The following ZNF638 variants were observed in gnomAD, a reference collection of about 807,000 sequenced individuals.
The protein encoded by ZNF638 is CTCL tumor antigen se33-1.
ZNF638 carries 46 observed loss-of-function variants against 195.6 expected under a neutral mutation model. The ratio of observed to expected loss-of-function variants is 0.24; its 90% confidence interval spans 0.19 to 0.30. The LOEUF is 0.30. Among genes scored for constraint, ZNF638 ranks in the 10% least tolerant of loss-of-function variants. The pLI is 1.00. For synonymous variants in ZNF638, 845 were observed against 772.0 expected (o/e 1.09, Z -1.57); for missense variants, 2,440 against 2,325.3 (o/e 1.05, Z -1.01).
intron 11 of ZNF638, 127 bp downstream of exon 11, chr2:71,396,318 AT>A: frequency 1.4e-6 from 1 of 699,112 alleles, no homozygotes; most frequent in Non-Finnish European, 2.4e-6. Context: ...AATCTTTGAG[AT>A]TTATAATCAT....
Position 71,423,475 on chromosome 2 carries a change from A to G in ZNF638, c.3961A>G (p.Arg1321Gly). The change falls in exon 22 of 28, where the codon AGA (arginine) becomes GGA (glycine). Residue 1321 changes from arginine to glycine, a missense_variant. Around this residue, in one of 5 missense-constraint regions of ZNF638, gnomAD observed 1,883 missense variants for 1,739.1 expected, o/e 1.08. Transcript: ENST00000264447. ...EEKEFNTKET[R>G]MDLQIGTEKA... ...GAAGGAATTTAATACTAAGGAAACCAGAATGGATCTTCAAATAGGAACAGA... is the reference window on the plus strand; with the variant it reads ...GAAGGAATTTAATACTAAGGAAACCGGAATGGATCTTCAAATAGGAACAGA... 1 of 1,613,586 alleles carries G rather than the reference A, an allele frequency of 6.2e-7. No homozygotes were observed. The highest frequency in any genetic ancestry group is 8.5e-7 in the Non-Finnish European group (1 of 1,179,916).
Position 71,368,464 on chromosome 2 carries a change from T to G in ZNF638, c.2078T>G (p.Val693Gly). ...LPEDGCTEED[V>G]RKLFQPFGKV... ...GAGGATGGTTGTACTGAAGAAGATG[T>G]GAGAAAATTATTTCAACCATTTGGG... The change falls in exon 7 of 28, where the codon GTG becomes GGG. Residue 693 changes from valine to glycine, a missense_variant. Val to Gly is a moderately radical substitution (Grantham distance 109). Transcript: ENST00000264447. 1 of 1,613,644 alleles carries G rather than the reference T, an allele frequency of 6.2e-7. No individual in the cohort carries two copies. The highest frequency in any genetic ancestry group is 8.5e-7 in the Non-Finnish European group (1 of 1,179,766).
intron 13 of ZNF638, 83 bp from the exon 14 acceptor site, chr2:71,400,029 A>G (rs2079974743): frequency 8.5e-7 from 1 of 1,172,712 alleles, no homozygotes; most frequent in African/African-American, 1.6e-5. Context: ...GAAATGTCAA[A>G]CTAGCTTAAG....
chr2:71,397,133 C>CACTTTGATGTT (rs2079909039), intron 11 of ZNF638, among the ~76,000 whole-genome samples: 1 of 152,148 alleles, frequency 6.6e-6, no homozygotes, highest in Non-Finnish European at 1.5e-5. Context: ...ATTTTGCCAA[C>CACTTTGATGTT]ACTTTGATGT....
intron 20 of ZNF638, chr2:71,408,485 G>GGT: frequency 2.4e-6 from 1 of 424,200 alleles, no homozygotes; most frequent in South Asian, 3.1e-5. Context: ...TTGACATGTA[G>GGT]GTATCTACAT....
In ZNF638 at chr2:71,348,858, T is replaced by G; in HGVS notation, c.-97T>G. The G allele has an allele frequency of 6.2e-7, 1 of 1,611,862 alleles. No individual in the cohort carries two copies. The highest frequency in any genetic ancestry group is 8.5e-7 in the Non-Finnish European group (1 of 1,179,800). On this transcript the variant is annotated 5_prime_UTR_variant, in exon 2 of 28. The change creates a new upstream start codon in the 5' untranslated region. Coordinates refer to ENST00000264447, the MANE Select transcript of ZNF638 (RefSeq NM_014497.5). The stretch of plus-strand genomic sequence containing the variant: ...CATCTCCTTTGCACTTTGCTCAGAT[T>G]AAGACTCAGTTGGCGCTTCAGCAGC...
At chr2:71,376,522 C>T (rs2079428681) in intron 8 of ZNF638, among the ~76,000 whole-genome samples, 1 of 152,136 alleles carries the variant, frequency 6.6e-6, no homozygotes, top group African/African-American at 2.4e-5. Flanking sequence ...AAAGAACAAA[C>T]TAGGAAGAAG....
At chr2:71,376,999 G>A (rs1198194378) in intron 8 of ZNF638, among the ~76,000 whole-genome samples, 2 of 152,104 alleles carry the variant, frequency 1.3e-5, no homozygotes, top group African/African-American at 4.8e-5. Flanking sequence ...GGAGCCCAGT[G>A]CAGTGGCTCA....
chr2:71,419,958 T>TTCCCCC (rs1558881346), intron 21 of ZNF638, among the ~76,000 whole-genome samples: 3 of 26,570 alleles, frequency 1.1e-4, no homozygotes, highest in Non-Finnish European at 2.3e-4. Context: ...ACTTCTTAAT[T>TTCCCCC]CCCACCCCCC....
chr2:71,350,497 G>C (rs576984335), intron 2 of ZNF638, among the ~76,000 whole-genome samples: 1 of 152,138 alleles, frequency 6.6e-6, no homozygotes, highest in Non-Finnish European at 1.5e-5. Flanking sequence ...TATTTTAGTA[G>C]TGTGTCCATT....
chr2:71,368,710 T>C (rs542952071), intron 7 of ZNF638, among the ~76,000 whole-genome samples, 182 bp downstream of exon 7: 1 of 152,362 alleles, frequency 6.6e-6, no homozygotes, highest in South Asian at 2.1e-4. Context: ...TTAAAATAAG[T>C]GTTTGCCCAC....
chr2:71,426,946 C>T lies in ZNF638; in HGVS notation c.5077C>T (p.Pro1693Ser). ...TGAAATTGGAGAAGTGGAAGAGCTACCTTTGAATGAGTCAGCAGACATAAC... is the reference window on the plus strand; with the variant it reads ...TGAAATTGGAGAAGTGGAAGAGCTATCTTTGAATGAGTCAGCAGACATAAC... The part of the protein sequence containing the change: ...VDEIGEVEEL[P>S]LNESADITFA... The change falls in exon 24 of 28, where the codon CCT becomes TCT. Residue 1693 changes from proline to serine, a missense_variant. By Grantham distance (74) the Pro-to-Ser change is moderately conservative. Transcript: ENST00000264447. 2 of 1,613,734 alleles carry T rather than the reference C, an allele frequency of 1.2e-6. No homozygotes were observed. The highest frequency in any genetic ancestry group is 1.7e-6 in the Non-Finnish European group (2 of 1,179,850).
rs1472898831 is a variant in ZNF638, at chr2:71,363,181, CCAT to C, written c.1410_1412del (p.Ser471del). On this transcript the variant is annotated inframe_deletion, in exon 4 of 28. Coordinates refer to ENST00000264447, the MANE Select transcript of ZNF638 (RefSeq NM_014497.5). Reference sequence around the variant, plus strand: ...TCCTGATTGGAATCCTGAGATCCTCCCATCGAGAAGGTAATTTTTAAAAATAGT... The same window carrying C: ...TCCTGATTGGAATCCTGAGATCCTCCCGAGAAGGTAATTTTTAAAAATAGT... The C allele has an allele frequency of 1.3e-6, 2 of 1,587,324 alleles. No individual in the cohort carries two copies. The highest frequency in any genetic ancestry group is 3.5e-5 in the Admixed American group (2 of 56,548).
intron 4 of ZNF638, 62 bp from the exon 5 acceptor site, chr2:71,363,892 T>G: frequency 1.4e-5 from 21 of 1,529,616 alleles, no homozygotes; most frequent in Non-Finnish European, 1.8e-5. Flanking sequence ...TTCTGTCATT[T>G]ATTATCATTT....
Position 71,423,645 on chromosome 2 carries a change from T to C in ZNF638, c.4131T>C (p.Ser1377=). The part of the protein sequence containing the change: ...VGQANKPDET[S]KTSILAVSDV... ...AGGCTAATAAGCCTGATGAAACTAGTAAAACTAGTATTCTGGCTGTATCAG... is the reference window on the plus strand; with the variant it reads ...AGGCTAATAAGCCTGATGAAACTAGCAAAACTAGTATTCTGGCTGTATCAG... The change falls in exon 22 of 28, where the codon AGT becomes AGC. Residue 1377 remains serine (S), a synonymous_variant. Coordinates refer to ENST00000264447, the MANE Select transcript of ZNF638 (RefSeq NM_014497.5). 6.2e-7 allele frequency: 1 copy of C among 1,613,770 alleles called. No individual in the cohort carries two copies. Among genetic ancestry groups the C allele is most frequent in the South Asian group, 1.1e-5 (1 of 91,082 alleles).
chr2:71,331,972 G>T (rs2078577184), intron 1 of ZNF638, 97 bp downstream of exon 1: 1 of 975,396 alleles, frequency 1.0e-6, no homozygotes, highest in Non-Finnish European at 1.2e-6. Context: ...GCCGACTATT[G>T]TATCTGTGTC....
At chr2:71,424,118 A>G in intron 22 of ZNF638, 80 bp downstream of exon 22, 1 of 1,508,170 alleles carries the variant, frequency 6.6e-7, no homozygotes, top group South Asian at 1.3e-5. Flanking sequence ...TAGGAGATGT[A>G]ATTTTGTTTC....
At chr2:71,402,262 C>T (rs1307190469) in intron 16 of ZNF638, among the ~76,000 whole-genome samples, 175 bp downstream of exon 16, 3 of 151,972 alleles carry the variant, frequency 2.0e-5, no homozygotes, top group Non-Finnish European at 2.9e-5. Context: ...ATTGTTGTAA[C>T]GAGACATAGT....
intron 17 of ZNF638, among the ~76,000 whole-genome samples, chr2:71,405,040 A>C (rs968147283): frequency 2.2e-4 from 33 of 152,296 alleles, no homozygotes; most frequent in Admixed American, 2.0e-3. Flanking sequence ...TATACACACC[A>C]GTAGTATCAA....
Sources: gnomAD v4.1 joint callset for allele counts (sites outside exome capture counted in the v4.1 genomes callset) on GRCh38, gnomAD v4.1.1 for gene constraint, gnomAD v4.1.1 regional missense constraint, MANE v1.5 for transcripts, NCBI Gene and HGNC (gene_info 2026-07-23, HGNC 2026-07-21) for gene names.